Variants in SLC4A4 observed in about 807,000 individuals in gnomAD.
SLC4A4 encodes the protein electrogenic sodium bicarbonate cotransporter 1.
Under a neutral mutation model 111.5 loss-of-function variants are expected in SLC4A4, and 27 were observed. That is an observed-to-expected ratio of 0.24 (90% CI 0.18 to 0.33). SLC4A4 has a LOEUF of 0.33. Among genes scored for constraint, SLC4A4 ranks in the 10% least tolerant of loss-of-function variants. The pLI is 1.00. For synonymous variants in SLC4A4, 443 were observed against 463.4 expected, an observed-to-expected ratio of 0.96 and a Z score of 0.57; for missense variants, 909 against 1,315.5, an observed-to-expected ratio of 0.69 and a Z score of 4.78.
At chr4:71,475,615 G>C (rs1407649782) in intron 14 of SLC4A4, among the ~76,000 whole-genome samples, 36 of 151,860 alleles carry the variant, frequency 2.4e-4, no homozygotes, top group Admixed American at 1.8e-3. Flanking sequence ...TACTGTCACA[G>C]GACTTTGAAG....
chr4:71,407,702 A>C (rs1720988582), intron 7 of SLC4A4, among the ~76,000 whole-genome samples: 1 of 152,240 alleles, frequency 6.6e-6, no homozygotes, highest in South Asian at 2.1e-4. Flanking sequence ...CATCTAATAA[A>C]TGGAAATTAT....
chr4:71,487,160 ACGGG>A, intron 15 of SLC4A4, 142 bp downstream of exon 15: 2 of 531,134 alleles, frequency 3.8e-6, no homozygotes, highest in Admixed American at 6.7e-5. Flanking sequence ...CAGTGGAGGG[ACGGG>A]AAAAAAAAAA....
intron 14 of SLC4A4, among the ~76,000 whole-genome samples, chr4:71,474,673 T>C (rs577897484): frequency 8.4e-4 from 128 of 151,568 alleles, no homozygotes; most frequent in Non-Finnish European, 1.6e-3. Flanking sequence ...TGTGTTAAGA[T>C]AAATTAGCAC....
At chr4:71,557,630 T>C (rs1736588884) in intron 21 of SLC4A4, 82 bp from the exon 22 acceptor site, 1 of 1,369,772 alleles carries the variant, frequency 7.3e-7, no homozygotes, top group Admixed American at 1.7e-5. Flanking sequence ...AATTATAGAA[T>C]ATAAATCAGT....
intron 1 of SLC4A4, among the ~76,000 whole-genome samples, chr4:71,216,887 A>G (rs1718463054): frequency 6.6e-6 from 1 of 152,164 alleles, no homozygotes; most frequent in Non-Finnish European, 1.5e-5. Flanking sequence ...GCTCTATGCT[A>G]AGTATCTACC....
intron 3 of SLC4A4, among the ~76,000 whole-genome samples, chr4:71,331,729 GA>G (rs199726678): frequency 0.019 from 2,306 of 120,182 alleles, 51 homozygotes; most frequent in African/African-American, 0.059. Context: ...TTAAAGTATT[GA>G]AAAAAAAAAA....
rs56164928 is a variant in SLC4A4 at position 71,531,754 on chromosome 4, T to TACACACAC, written c.2167-264_2167-257dup. 4.0e-4 allele frequency among the ~76,000 whole-genome samples: 51 copies of TACACACAC among 128,210 alleles called. 2 individuals are homozygous for TACACACAC. Among genetic ancestry groups the TACACACAC allele is most frequent in the African/African-American group, 1.3e-3 (43 of 33,592 alleles). The allele number at this position is 128,210 out of a possible 152,430, so 84.1% of individuals were successfully genotyped here. ...GTTCTATTTGATTGCCCTCCCTGCC[T>TACACACAC]ACACACACACACACACACACACACA... On this transcript the variant is annotated intron_variant, in intron 16 of 25. Transcript: ENST00000264485.
At chr4:71,355,211 C>G (rs1730180131) in intron 5 of SLC4A4, among the ~76,000 whole-genome samples, 1 of 152,110 alleles carries the variant, frequency 6.6e-6, no homozygotes, top group Admixed American at 6.5e-5. Flanking sequence ...GAGGCCCTGC[C>G]AGGAAGGGTA....
At chr4:71,422,581 A>T (rs1391539358) in intron 7 of SLC4A4, among the ~76,000 whole-genome samples, 1 of 152,206 alleles carries the variant, frequency 6.6e-6, no homozygotes, top group Non-Finnish European at 1.5e-5. Flanking sequence ...TGATGCAAAA[A>T]TCCTCAATAA....
chr4:71,497,715 A>T (rs1479340023), intron 16 of SLC4A4, 23 bp downstream of exon 16: 2 of 1,579,508 alleles, frequency 1.3e-6, no homozygotes, highest in Admixed American at 1.7e-5. Flanking sequence ...ACTTTAAATG[A>T]TTTTCATTGG....
At chr4:71,098,293 C>T (rs1053029754) in intron 2 of SLC4A4, among the ~76,000 whole-genome samples, 1 of 152,118 alleles carries the variant, frequency 6.6e-6, no homozygotes, top group Non-Finnish European at 1.5e-5. Context: ...GCCCTTTCCC[C>T]GTTGCTTGCT....
intron 2 of SLC4A4, among the ~76,000 whole-genome samples, chr4:71,120,202 T>C (rs1466432493): frequency 6.6e-6 from 1 of 152,202 alleles, no homozygotes; most frequent in Non-Finnish European, 1.5e-5. Context: ...CAAATATAAA[T>C]TGAGGTGCAA....
intron 2 of SLC4A4, among the ~76,000 whole-genome samples, chr4:71,181,995 C>A (rs1745308596): frequency 6.6e-6 from 1 of 152,158 alleles, no homozygotes; most frequent in South Asian, 2.1e-4. Context: ...TAGTTGGACA[C>A]CCTCTTCATA....
At chr4:71,200,523 T>G (rs1746200969) in intron 1 of SLC4A4, among the ~76,000 whole-genome samples, 1 of 152,152 alleles carries the variant, frequency 6.6e-6, no homozygotes, top group Non-Finnish European at 1.5e-5. Context: ...CTACACTGAG[T>G]GTTTCCATGT....
chr4:71,413,464 G>A (rs1721569550), intron 7 of SLC4A4, among the ~76,000 whole-genome samples: 1 of 152,170 alleles, frequency 6.6e-6, no homozygotes, highest in South Asian at 2.1e-4. Context: ...AGATATTAAA[G>A]CACTCATCCA....
rs148687721 is a variant in SLC4A4, at chr4:71,445,464, A to G, written c.966-2182A>G. Among the ~76,000 whole-genome samples, 598 of 152,296 alleles carry G rather than the reference A, an allele frequency of 3.9e-3. 4 individuals carry two copies. The highest frequency in any genetic ancestry group is 0.014 in the African/African-American group (577 of 41,580). On this transcript the variant is annotated intron_variant, in intron 8 of 25. Transcript: ENST00000264485. ...CATGATGGAGGTGCTAGGGAGAGGTAGGAAGAGATACAGAGTGTTTGGAAA... is the reference window on the plus strand; with the variant it reads ...CATGATGGAGGTGCTAGGGAGAGGTGGGAAGAGATACAGAGTGTTTGGAAA...
At chr4:71,521,365 A>T (rs1732915660) in intron 16 of SLC4A4, among the ~76,000 whole-genome samples, 1 of 152,082 alleles carries the variant, frequency 6.6e-6, no homozygotes, top group African/African-American at 2.4e-5. Context: ...GAGTAGCTGG[A>T]ACTACAGTCA....
intron 23 of SLC4A4, among the ~76,000 whole-genome samples, chr4:71,562,635 C>T (rs948032348): frequency 1.3e-5 from 2 of 151,468 alleles, no homozygotes; most frequent in African/African-American, 4.8e-5. Flanking sequence ...TATTTTGAGC[C>T]TATGTGTGTC....
chr4:71,142,346 G>C (rs1226615451), intron 2 of SLC4A4, among the ~76,000 whole-genome samples: 1 of 152,206 alleles, frequency 6.6e-6, no homozygotes, highest in Non-Finnish European at 1.5e-5. Context: ...TGCAGCTTCA[G>C]AGGAGAAAGA....
Sources: gnomAD v4.1 joint callset for allele counts (sites outside exome capture counted in the v4.1 genomes callset) on GRCh38, gnomAD v4.1.1 for gene constraint, MANE v1.5 for transcripts, NCBI Gene and HGNC (gene_info 2026-07-23, HGNC 2026-07-21) for gene names.